SEMA3A: variants seen among roughly 807,000 people sequenced by gnomAD.
SEMA3A encodes the protein semaphorin-3A.
A neutral mutation model predicts 97.9 loss-of-function variants in SEMA3A; 29 were observed. The ratio of observed to expected loss-of-function variants is 0.30; its 90% CI spans 0.22 to 0.40. The LOEUF (loss-of-function observed/expected upper bound fraction) is 0.40, where lower values mean the gene tolerates loss of function less well. SEMA3A is among the 10% of genes least tolerant of loss of function. The pLI is 1.00. For missense variants in SEMA3A, 763 were observed against 951.3 expected (o/e 0.80, Z 2.60); for synonymous variants, 321 against 323.7 (o/e 0.99, Z 0.09).
intron 1 of SEMA3A, among the ~76,000 whole-genome samples, chr7:84,474,923 G>T (rs1049490670): frequency 1.8e-4 from 27 of 152,046 alleles, no homozygotes; most frequent in African/African-American, 6.3e-4. Context: ...AAAAAAAAAA[G>T]TGAAGAGAAA....
At chr7:84,426,527 GTTC>G (rs1282692563) in intron 1 of SEMA3A, among the ~76,000 whole-genome samples, 1 of 152,044 alleles carries the variant, frequency 6.6e-6, no homozygotes, top group Non-Finnish European at 1.5e-5. Flanking sequence ...CCCTGAATCT[GTTC>G]TTCTGCCTTG....
chr7:83,975,464 T>C (rs1437460144), intron 15 of SEMA3A, among the ~76,000 whole-genome samples: 4 of 152,118 alleles, frequency 2.6e-5, no homozygotes, highest in African/African-American at 4.8e-5. Flanking sequence ...ACATAAGGTA[T>C]TTTTTACAAA....
At chr7:84,404,788 C>A (rs1472688416) in intron 1 of SEMA3A, among the ~76,000 whole-genome samples, 1 of 152,054 alleles carries the variant, frequency 6.6e-6, no homozygotes, top group Non-Finnish European at 1.5e-5. Flanking sequence ...CATATCCAGC[C>A]AAACTAAGCT....
chr7:84,292,723 T>C (rs1192053059), intron 3 of SEMA3A, among the ~76,000 whole-genome samples: 2 of 152,066 alleles, frequency 1.3e-5, no homozygotes, highest in Non-Finnish European at 2.9e-5. Context: ...CAAAACTTGA[T>C]AGTTTCAAGA....
At chr7:84,318,327 T>G (rs1310040094) in intron 2 of SEMA3A, among the ~76,000 whole-genome samples, 1 of 142,190 alleles carries the variant, frequency 7.0e-6, no homozygotes, top group Non-Finnish European at 1.5e-5. Flanking sequence ...GTTTTTTTTT[T>G]TTTTTTTTTT....
At chr7:83,988,617 G>T (rs145471347) in intron 12 of SEMA3A, among the ~76,000 whole-genome samples, 26 of 152,136 alleles carry the variant, frequency 1.7e-4, no homozygotes, top group Admixed American at 1.4e-3. Context: ...TGAAACAAAT[G>T]ATTTAGGAGG....
rs185699014 is a variant in SEMA3A at position 83,956,809 on chromosome 7, G to T, written c.*4562C>A. On this transcript the variant is annotated 3_prime_UTR_variant, in exon 17 of 17. Coordinates refer to ENST00000265362, the MANE Select transcript of SEMA3A (RefSeq NM_006080.3). ...CCTTTCTCCTTATTTCTTCTACTCA[G>T]ATTGCCATTTTGTTTCTTCATCTAG... 13 of 152,038 alleles carry T rather than the reference G, an allele frequency of 8.6e-5. No homozygotes were observed. The East Asian group carries it at 2.5e-3, about 29-fold the overall frequency. 9.4% of individuals were successfully genotyped at this position (152,038 alleles called of 1,614,324 possible).
In SEMA3A at chr7:84,057,635, C is replaced by T. The variant is rs113425492; in HGVS notation, c.547+2830G>A. On this transcript the variant is annotated intron_variant, in intron 5 of 16. Coordinates refer to ENST00000265362, the MANE Select transcript of SEMA3A (RefSeq NM_006080.3). ...CAAAACTTAGCCAGGCCTGGTGGCA[C>T]ATGCCTGTAGTCTAAGCTACTCAGG... Among the ~76,000 whole-genome samples, 515 of 152,042 alleles carry T rather than the reference C, an allele frequency of 3.4e-3. 1 individual carries two copies. The highest frequency in any genetic ancestry group is 0.011 in the African/African-American group (475 of 41,462).
intron 2 of SEMA3A, among the ~76,000 whole-genome samples, chr7:84,129,498 A>G (rs1009901350): frequency 6.6e-6 from 1 of 152,178 alleles, no homozygotes; most frequent in Non-Finnish European, 1.5e-5. Context: ...GGAGATCTTG[A>G]GAGAACGTGA....
At chr7:83,976,846 C>T (rs1420300176) in intron 15 of SEMA3A, among the ~76,000 whole-genome samples, 2 of 151,998 alleles carry the variant, frequency 1.3e-5, no homozygotes, top group African/African-American at 2.4e-5. Flanking sequence ...AAATGAAGTA[C>T]TTAAACATGG....
At chr7:84,105,322 T>A (rs1189963700) in intron 4 of SEMA3A, among the ~76,000 whole-genome samples, 1 of 152,174 alleles carries the variant, frequency 6.6e-6, no homozygotes, top group East Asian at 1.9e-4. Flanking sequence ...AGTACTTAAA[T>A]AACATTTTGG....
intron 6 of SEMA3A, among the ~76,000 whole-genome samples, chr7:84,045,136 T>C (rs73187447): frequency 0.048 from 7,333 of 152,054 alleles, 286 homozygotes; most frequent in East Asian, 0.19. Context: ...AGACCTGTGA[T>C]TTTTCTCTAA....
intron 12 of SEMA3A, among the ~76,000 whole-genome samples, chr7:83,994,586 T>C (rs533765524): frequency 7.6e-4 from 108 of 142,224 alleles, no homozygotes; most frequent in Middle Eastern, 3.5e-3. Flanking sequence ...TGTGAGGTGT[T>C]AGTGTGCCCC....
intron 1 of SEMA3A, among the ~76,000 whole-genome samples, chr7:84,419,090 T>C (rs190785734): frequency 6.6e-6 from 1 of 152,226 alleles, no homozygotes; most frequent in Admixed American, 6.6e-5. Flanking sequence ...ATTGAATTTA[T>C]GTATGGCTAT....
chr7:84,246,199 T>A (rs1193710289), intron 3 of SEMA3A, among the ~76,000 whole-genome samples: 1 of 152,222 alleles, frequency 6.6e-6, no homozygotes, highest in Non-Finnish European at 1.5e-5. Context: ...TTGGTCTTGC[T>A]GGGAGCTGCT....
At chr7:84,006,330 A>C (rs1790665482) in intron 10 of SEMA3A, among the ~76,000 whole-genome samples, 1 of 152,116 alleles carries the variant, frequency 6.6e-6, no homozygotes, top group African/African-American at 2.4e-5. Flanking sequence ...TGTTTCTAAC[A>C]TAATGCTAAA....
At chr7:84,484,202 G>A (rs1305218903) in intron 1 of SEMA3A, among the ~76,000 whole-genome samples, 1 of 152,026 alleles carries the variant, frequency 6.6e-6, no homozygotes, top group Non-Finnish European at 1.5e-5. Context: ...ACTGTGTAAG[G>A]CTGTGGGTAG....
chr7:84,284,300 T>G (rs1411241554), intron 3 of SEMA3A, among the ~76,000 whole-genome samples: 1 of 152,160 alleles, frequency 6.6e-6, no homozygotes, highest in Non-Finnish European at 1.5e-5. Flanking sequence ...TAAAGGAATG[T>G]TCAATCTAGT....
intron 1 of SEMA3A, among the ~76,000 whole-genome samples, chr7:84,181,122 C>T (rs1797723562): frequency 6.6e-6 from 1 of 151,918 alleles, no homozygotes; most frequent in Non-Finnish European, 1.5e-5. Flanking sequence ...CTTTTGCCCC[C>T]TTTTCTTTCC....
Sources: gnomAD v4.1 joint callset for allele counts (sites outside exome capture counted in the v4.1 genomes callset) on GRCh38, gnomAD v4.1.1 for gene constraint, MANE v1.5 for transcripts, NCBI Gene and HGNC (gene_info 2026-07-23, HGNC 2026-07-21) for gene names.